Variants in KDM4B observed in about 807,000 individuals in gnomAD.
The protein encoded by KDM4B is lysine-specific demethylase 4B.
Under a neutral mutation model 125.2 loss-of-function variants are expected in KDM4B, and 32 were observed. The observed-to-expected ratio is 0.26, with a 90% CI of 0.19 to 0.34. The LOEUF (loss-of-function observed/expected upper bound fraction) is 0.34, where lower values mean the gene tolerates loss of function less well. Among genes scored for constraint, KDM4B ranks in the 10% least tolerant of loss-of-function variants. The pLI is 1.00. For synonymous variants in KDM4B, 721 were observed against 677.9 expected, an observed-to-expected ratio of 1.06 and a Z score of -0.99; for missense variants, 1,190 against 1,577.7, an observed-to-expected ratio of 0.75 and a Z score of 4.16.
In KDM4B at chr19:5,051,419, T is replaced by C. The variant is rs533070214; in HGVS notation, c.626+3750T>C. Among the ~76,000 whole-genome samples, 7 of 152,302 alleles carry C rather than the reference T, an allele frequency of 4.6e-5. No individual in the cohort carries two copies. The East Asian group carries it at 1.4e-3, about 29-fold the overall frequency. On this transcript the variant is annotated intron_variant, in intron 6 of 22. Transcript: ENST00000159111. Reference sequence around the variant, plus strand: ...CCATCAGACACCCTGCAGGGCAGTGTTGGGGTGTTTAGGGGACTGTGGGCC... The same window carrying C: ...CCATCAGACACCCTGCAGGGCAGTGCTGGGGTGTTTAGGGGACTGTGGGCC...
chr19:5,068,509 T>C (rs1220207176), intron 6 of KDM4B, among the ~76,000 whole-genome samples: 1 of 152,078 alleles, frequency 6.6e-6, no homozygotes, highest in African/African-American at 2.4e-5. Context: ...CCAGCCTCAC[T>C]CAGTTCTGTG....
At chr19:4,988,247 C>G (rs759023712) in intron 1 of KDM4B, among the ~76,000 whole-genome samples, 1 of 152,192 alleles carries the variant, frequency 6.6e-6, no homozygotes, top group African/African-American at 2.4e-5. Context: ...CTGCTGGACG[C>G]GCTGGAAACC....
intron 18 of KDM4B, chr19:5,140,294 T>C (rs10405052): frequency 0.21 from 32,567 of 152,646 alleles, 3,633 homozygotes; most frequent in South Asian, 0.26. Context: ...GATCATGGCC[T>C]GGGCTGCAGC....
chr19:5,131,804 C>G (rs370044451), intron 12 of KDM4B, 83 bp from the exon 13 acceptor site: 2 of 1,575,354 alleles, frequency 1.3e-6, no homozygotes, highest in African/African-American at 1.4e-5. Flanking sequence ...GCCTCAGGCA[C>G]GCCGAGCCCC....
chr19:5,127,780 G>A (rs2039473739), intron 11 of KDM4B, among the ~76,000 whole-genome samples: 1 of 152,160 alleles, frequency 6.6e-6, no homozygotes, highest in Non-Finnish European at 1.5e-5. Flanking sequence ...GAGGCCTAGG[G>A]GACGATGGTG....
At chr19:5,123,004 A>G (rs1599231930) in intron 11 of KDM4B, among the ~76,000 whole-genome samples, 1 of 152,244 alleles carries the variant, frequency 6.6e-6, no homozygotes, top group East Asian at 1.9e-4. Context: ...CCCTCAGGGC[A>G]CGTTTCCTGG....
intron 1 of KDM4B, among the ~76,000 whole-genome samples, chr19:4,995,362 C>G (rs982582624): frequency 6.6e-6 from 1 of 151,906 alleles, no homozygotes; most frequent in Non-Finnish European, 1.5e-5. Flanking sequence ...GGCAACAGAG[C>G]AAGAATCCTG....
chr19:5,108,234 G>C (rs376547456), intron 9 of KDM4B, among the ~76,000 whole-genome samples: 15 of 152,340 alleles, frequency 9.8e-5, no homozygotes, highest in African/African-American at 3.6e-4. Context: ...TGTGGATGGG[G>C]ATGCCGGGGC....
intron 18 of KDM4B, chr19:5,140,562 C>T (rs2039723543): frequency 6.6e-6 from 1 of 152,314 alleles, no homozygotes; most frequent in East Asian, 1.9e-4. Context: ...ATATGAAACC[C>T]CGTCTCTACT....
intron 9 of KDM4B, among the ~76,000 whole-genome samples, chr19:5,089,440 T>C (rs966534452): frequency 1.3e-5 from 2 of 152,170 alleles, no homozygotes; most frequent in South Asian, 2.1e-4. Context: ...TGGAATGTTA[T>C]GCAGCTGTGA....
intron 1 of KDM4B, among the ~76,000 whole-genome samples, chr19:5,006,733 G>A (rs969739953): frequency 2.6e-5 from 4 of 151,162 alleles, no homozygotes; most frequent in African/African-American, 7.3e-5. Context: ...AGATCATGCC[G>A]TTGCACTCCA....
rs182405896 is a variant in KDM4B, at chr19:5,144,149, C to T, written c.2733C>T (p.His911=). The part of the protein sequence containing the change: ...ITCLKHKSGG[H]AVQLLRAVSL... ...GCCTCAAGCACAAGTCGGGGGGTCA[C>T]GCTGTGAGTGCCTGCCCGCCTCCTT... The change falls in exon 19 of 23, where the codon CAC becomes CAT. Residue 911 remains histidine (H), a synonymous_variant. Transcript: ENST00000159111. 62 of 1,595,548 alleles carry T rather than the reference C, an allele frequency of 3.9e-5. No homozygotes were observed. The highest frequency in any genetic ancestry group is 2.2e-4 in the Admixed American group (13 of 59,638).
At chr19:5,038,077 G>A (rs962116596) in intron 3 of KDM4B, among the ~76,000 whole-genome samples, 1 of 152,272 alleles carries the variant, frequency 6.6e-6, no homozygotes, top group Non-Finnish European at 1.5e-5. Context: ...TTGGTGGCCC[G>A]GGGCGCGGAG....
chr19:5,028,861 A>G (rs1224108696), intron 2 of KDM4B, among the ~76,000 whole-genome samples: 1 of 151,978 alleles, frequency 6.6e-6, no homozygotes, highest in African/African-American at 2.4e-5. Context: ...CTTGTTGGCC[A>G]TTTGTCTACT....
intron 5 of KDM4B, among the ~76,000 whole-genome samples, chr19:5,044,493 G>A (rs1335881578): frequency 6.6e-6 from 1 of 152,148 alleles, no homozygotes; most frequent in Non-Finnish European, 1.5e-5. Flanking sequence ...CGGACATTTG[G>A]GCTGTGTTCT....
intron 6 of KDM4B, among the ~76,000 whole-genome samples, chr19:5,064,159 G>A (rs1568269684): frequency 6.6e-6 from 1 of 152,214 alleles, no homozygotes; most frequent in Non-Finnish European, 1.5e-5. Context: ...GGGTCCCGGG[G>A]GCGCCACTGG....
intron 22 of KDM4B, 85 bp from the exon 23 acceptor site, chr19:5,151,250 G>C (rs879264391): frequency 1.1e-4 from 125 of 1,186,610 alleles, no homozygotes; most frequent in Non-Finnish European, 1.4e-4. Flanking sequence ...TGTCCAGCCA[G>C]CTCCTCTCAG....
intron 6 of KDM4B, among the ~76,000 whole-genome samples, chr19:5,060,254 TGTG>T (rs575028832): frequency 3.5e-4 from 53 of 151,854 alleles, no homozygotes; most frequent in Middle Eastern, 3.4e-3. Context: ...GCCTGGCTAA[TGTG>T]GTGAAACCCC....
chr19:5,085,645 AG>A (rs1240029094), intron 9 of KDM4B, among the ~76,000 whole-genome samples: 7 of 152,218 alleles, frequency 4.6e-5, no homozygotes, highest in African/African-American at 7.2e-5. Context: ...GCAGGCGCCC[AG>A]GGCCTGGGCT....
Sources: allele counts gnomAD v4.1 joint callset (sites outside exome capture counted in the v4.1 genomes callset), GRCh38; gene constraint gnomAD v4.1.1; transcripts MANE v1.5; gene names NCBI Gene and HGNC (gene_info 2026-07-23, HGNC 2026-07-21).